The following MED26 variants were observed in gnomAD, a reference collection of about 807,000 sequenced individuals.
MED26 encodes mediator complex subunit 26, also known as mediator of RNA polymerase II transcription subunit 26.
In MED26, 7 loss-of-function variants were observed where a neutral mutation model predicts 43.7. The ratio of observed to expected loss-of-function variants is 0.16; its 90% CI spans 0.09 to 0.30. MED26 has a LOEUF of 0.30. MED26 is among the 10% of genes least tolerant of loss of function. MED26 has a pLI of 1.00. For synonymous variants in MED26, 375 were observed against 371.1 expected (o/e 1.01, Z -0.12); for missense variants, 784 against 840.6 (o/e 0.93, Z 0.83).
intron 1 of MED26, among the ~76,000 whole-genome samples, chr19:16,595,411 C>A (rs2086115814): frequency 6.6e-6 from 1 of 152,230 alleles, no homozygotes; most frequent in Non-Finnish European, 1.5e-5. Context: ...AGAGCATCTA[C>A]TGAGCCACTG....
chr19:16,591,922 G>T (rs540753578), intron 1 of MED26, among the ~76,000 whole-genome samples: 4 of 152,154 alleles, frequency 2.6e-5, no homozygotes, highest in Non-Finnish European at 5.9e-5. Flanking sequence ...TTCAAGTGTG[G>T]CCTAGGGGTC....
rs201082644 is a variant in MED26 at position 16,576,179 on chromosome 19, C to T, written c.1651G>A (p.Asp551Asn). ...TGGCTGGCCTGGATTCTGTCGAGAT[C>T]GTCCTGTGTGACCTCCCGGGTCAGA... The part of the protein sequence containing the change: ...PGLTREVTQD[D>N]LDRIQASQWP... The change falls in exon 3 of 3, where the codon GAT becomes AAT. Residue 551 changes from aspartate (D) to asparagine (N), a missense_variant. Asp to Asn is a conservative substitution (Grantham distance 23). This residue lies in a region of MED26 where 719 missense variants were observed against 730.9 expected (regional missense o/e 0.98). Coordinates refer to ENST00000263390, the MANE Select transcript of MED26 (RefSeq NM_004831.5). The surrounding 1 kb of genome is among the most constrained non-coding windows in gnomAD (Gnocchi z 6.8). The T allele has an allele frequency of 5.0e-6, 8 of 1,613,284 alleles. No individual in the cohort carries two copies. Among genetic ancestry groups the T allele is most frequent in the East Asian group, 4.5e-5 (2 of 44,876 alleles).
At chr19:16,625,785 T>C (rs570108078) in intron 1 of MED26, among the ~76,000 whole-genome samples, 1 of 152,294 alleles carries the variant, frequency 6.6e-6, no homozygotes, top group East Asian at 1.9e-4. Context: ...TGCATGGTGT[T>C]TGCTCAAAGC....
chr19:16,613,086 G>T (rs2086206972), intron 1 of MED26, among the ~76,000 whole-genome samples: 2 of 152,132 alleles, frequency 1.3e-5, no homozygotes, highest in Admixed American at 6.5e-5. Context: ...GTAGGATAGG[G>T]ACGTCCTCAC....
In MED26 at chr19:16,601,652, C is replaced by T. The variant is rs150441135; in HGVS notation, c.73-23243G>A. 1.1e-4 allele frequency among the ~76,000 whole-genome samples: 16 copies of T among 152,282 alleles called. No individual in the cohort carries two copies. In the East Asian group the frequency reaches 2.1e-3, roughly 20 times the overall value. On this transcript the variant is annotated intron_variant, in intron 1 of 2. Transcript: ENST00000263390. ...CTAGGAGGGTGACAGAGGGAGTCTG[C>T]GAGGACACCTGGAGAGTAAGCAGGA...
In MED26 at chr19:16,577,971, C is replaced by T; in HGVS notation, c.148-289G>A. On this transcript the variant is annotated intron_variant, in intron 2 of 2. Transcript: ENST00000263390. This position sits in a 1 kb window ranked among gnomAD's most constrained non-coding sequence, Gnocchi z 8.1. ...TGGACCATCAAGGCCACTGTAAGGACACTGCCAGAGAGGCTTCCTGGGTGA... is the reference window on the plus strand; with the variant it reads ...TGGACCATCAAGGCCACTGTAAGGATACTGCCAGAGAGGCTTCCTGGGTGA... 1 of 475,178 alleles carries T rather than the reference C, an allele frequency of 2.1e-6. No homozygotes were observed. Among genetic ancestry groups the T allele is most frequent in the Non-Finnish European group, 3.7e-6 (1 of 269,116 alleles). The allele number at this position is 475,178 out of a possible 1,614,324, so 29.4% of individuals were successfully genotyped here. A position where few individuals can be genotyped will look rare whatever the true frequency, so the allele number is the denominator to read the frequency against.
intron 1 of MED26, among the ~76,000 whole-genome samples, chr19:16,601,583 T>C (rs1267731997): frequency 6.6e-6 from 1 of 152,184 alleles, no homozygotes; most frequent in Admixed American, 6.5e-5. Flanking sequence ...AGCTTCTAAG[T>C]GTGTAGCAGG....
chr19:16,627,196 G>A (rs1411498439), intron 1 of MED26, among the ~76,000 whole-genome samples: 1 of 152,132 alleles, frequency 6.6e-6, no homozygotes, highest in African/African-American at 2.4e-5. Context: ...GGGTACTGAG[G>A]CCCAGAAAGG....
In MED26 at chr19:16,586,368, G is replaced by T. The variant is rs376319913; in HGVS notation, c.73-7959C>A. ...CCTGGCCTTCCACTAGCCTGACATG[G>T]CTACCAAACACACAGGGCCCATCTG... On this transcript the variant is annotated intron_variant, in intron 1 of 2. Transcript: ENST00000263390. The surrounding 1 kb of genome is among the most constrained non-coding windows in gnomAD (Gnocchi z 5.1). Among the ~76,000 whole-genome samples the T allele has an allele frequency of 1.1e-4, 16 of 152,232 alleles. No individual in the cohort carries two copies. In the East Asian group the frequency reaches 2.9e-3, roughly 27 times the overall value.
At chr19:16,578,512 A>G (rs761910062) in intron 1 of MED26, 103 bp from the exon 2 acceptor site, 40 of 1,076,458 alleles carry the variant, frequency 3.7e-5, no homozygotes, top group Non-Finnish European at 4.9e-5. Context: ...CCCCAGAGCA[A>G]GAGGAGCCAG....
intron 1 of MED26, among the ~76,000 whole-genome samples, chr19:16,592,124 C>A (rs2086100529): frequency 6.6e-6 from 1 of 152,314 alleles, no homozygotes; most frequent in African/African-American, 2.4e-5. Context: ...AGCCCTGACC[C>A]CTACTTCTGT....
chr19:16,598,282 A>G (rs1417539049), intron 1 of MED26, among the ~76,000 whole-genome samples: 1 of 139,636 alleles, frequency 7.2e-6, no homozygotes, highest in East Asian at 2.2e-4. Context: ...GGCTGCAGTG[A>G]GCTGAGATCA....
intron 1 of MED26, among the ~76,000 whole-genome samples, chr19:16,617,973 C>G (rs1231272784): frequency 6.6e-6 from 1 of 152,136 alleles, no homozygotes; most frequent in Non-Finnish European, 1.5e-5. Context: ...ACTGAGAGCC[C>G]CCCCAGAAAC....
intron 1 of MED26, among the ~76,000 whole-genome samples, chr19:16,606,886 AATTC>A (rs1162249390): frequency 3.3e-5 from 5 of 152,186 alleles, no homozygotes; most frequent in East Asian, 1.9e-4. Context: ...CAGACACGAG[AATTC>A]ATTCAGTCAC....
At chr19:16,611,622 T>C (rs190702397) in intron 1 of MED26, 1 of 152,130 alleles carries the variant, frequency 6.6e-6, no homozygotes, top group Admixed American at 6.5e-5. Flanking sequence ...GTGCTTCCAT[T>C]TTACCCCAAG....
At position 16,627,423 on chromosome 19, in the gene MED26, G is replaced by A. The variant is rs369405984; in HGVS notation, c.72+449C>T. 5.0e-4 allele frequency among the ~76,000 whole-genome samples: 76 copies of A among 152,322 alleles called. 1 individual carries two copies. The highest frequency in any genetic ancestry group is 1.8e-3 in the African/African-American group (73 of 41,580). On this transcript the variant is annotated intron_variant, in intron 1 of 2. Transcript: ENST00000263390. ...AAGAAGGACTTCCCTGATCACCCAG[G>A]AGGCCAAGACATGGGAGACATAGGT... is the stretch of plus-strand genomic sequence containing the variant.
At chr19:16,589,264 C>T (rs2086085387) in intron 1 of MED26, 1 of 152,202 alleles carries the variant, frequency 6.6e-6, no homozygotes. Context: ...CTCTGTGGAT[C>T]CCATGGTAAC....
intron 1 of MED26, among the ~76,000 whole-genome samples, chr19:16,596,624 T>C (rs1185201839): frequency 6.6e-6 from 1 of 152,204 alleles, no homozygotes; most frequent in African/African-American, 2.4e-5. Context: ...TTCAGGAACA[T>C]GCTGGCACAG....
At position 16,576,735 on chromosome 19, in the gene MED26, G is replaced by A; in HGVS notation, c.1095C>T (p.Pro365=). 2 of 1,610,476 alleles carry A rather than the reference G, an allele frequency of 1.2e-6. No individual in the cohort carries two copies. The highest frequency in any genetic ancestry group is 1.1e-5 in the South Asian group (1 of 91,062). Residue 365 remains proline, a synonymous_variant, in exon 3 of 3, where the codon CCC becomes CCT. Transcript: ENST00000263390. The surrounding 1 kb of genome is among the most constrained non-coding windows in gnomAD (Gnocchi z 6.8). The stretch of plus-strand genomic sequence containing the variant: ...GGGAAAAGCCTGCCCGGGACAGGAG[G>A]GGCTCGGCTGGGGACAGCCCTGCCT... ...GCKAGLSPAE[P]LLSRAGFSPD...
Sources: allele counts gnomAD v4.1 joint callset (sites outside exome capture counted in the v4.1 genomes callset), GRCh38; gene constraint gnomAD v4.1.1; regional missense constraint gnomAD v4.1.1; non-coding constraint Gnocchi (gnomAD v3.1); transcripts MANE v1.5; gene names NCBI Gene and HGNC (gene_info 2026-07-23, HGNC 2026-07-21).